Variants in CHRNA7 observed in about 807,000 individuals in gnomAD.
CHRNA7 encodes the protein cholinergic receptor nicotinic alpha 7 subunit.
In CHRNA7, 17 loss-of-function variants were observed where a neutral mutation model predicts 48.0. That is an observed-to-expected ratio of 0.35 (90% CI 0.24 to 0.53). The LOEUF is 0.53. Among genes scored for constraint, CHRNA7 ranks in the 20% least tolerant of loss-of-function variants. CHRNA7 has a pLI of 0.92. For missense variants in CHRNA7, 155 were observed against 577.7 expected, an observed-to-expected ratio of 0.27 and a Z score of 7.50; for synonymous variants, 75 against 242.3, an observed-to-expected ratio of 0.31 and a Z score of 6.41.
At chr15:32,111,669 G>A (rs962637830) in intron 3 of CHRNA7, 121 bp from the exon 4 acceptor site, 3 of 603,664 alleles carry the variant, frequency 5.0e-6, no homozygotes, top group Admixed American at 5.8e-5. Flanking sequence ...TTTATAAATA[G>A]CAATTCAGTT....
chr15:32,082,631 C>T (rs2050234296), intron 2 of CHRNA7, among the ~76,000 whole-genome samples: 3 of 152,056 alleles, frequency 2.0e-5, no homozygotes, highest in South Asian at 4.2e-4. Context: ...TGTCTTCTTT[C>T]CACTGTATAT....
intron 2 of CHRNA7, among the ~76,000 whole-genome samples, chr15:32,077,870 C>T (rs536196024): frequency 6.6e-6 from 1 of 152,084 alleles, no homozygotes; most frequent in East Asian, 1.9e-4. Context: ...AACTAGCACT[C>T]ACTGCTCTTA....
chr15:32,030,851 C>A, intron 1 of CHRNA7, 47 bp from the exon 2 acceptor site: 1 of 1,594,376 alleles, frequency 6.3e-7, no homozygotes, highest in Non-Finnish European at 8.5e-7. Context: ...CGGGGGTACC[C>A]CCGCCGGCCT....
intron 2 of CHRNA7, among the ~76,000 whole-genome samples, chr15:32,070,716 T>C (rs146416392): frequency 0.078 from 10,116 of 129,656 alleles, 640 homozygotes; most frequent in East Asian, 0.14. Context: ...AGACGGAGTC[T>C]TGCTCTGTCG....
In CHRNA7 at chr15:32,149,072, T is replaced by TG. The variant is rs1040964008; in HGVS notation, c.351-4830dup. Among the ~76,000 whole-genome samples, 1 of 152,122 alleles carries TG rather than the reference T, an allele frequency of 6.6e-6. No individual in the cohort carries two copies. Among genetic ancestry groups the TG allele is most frequent in the Non-Finnish European group, 1.5e-5 (1 of 68,016 alleles). On this transcript the variant is annotated intron_variant, in intron 4 of 9. Transcript: ENST00000306901. This position sits in a 1 kb window ranked among gnomAD's most constrained non-coding sequence, Gnocchi z 4.6. ...AGAGTGGGCCCCAGTCATTGCTGGC[T>TG]GGGGGAGGACAAAGGCAGCCAGATA...
rs1422038805 is a variant in CHRNA7, at chr15:32,082,340, T to TA, written c.196-18963_196-18962insA. On this transcript the variant is annotated intron_variant, in intron 2 of 9. Coordinates refer to ENST00000306901, the MANE Select transcript of CHRNA7 (RefSeq NM_000746.6). ...GGACTCCAATTATATGATTATTAGATTTTTTTTGTAGTCCCATAAGTCTGA... is the reference window on the plus strand; with the variant it reads ...GGACTCCAATTATATGATTATTAGATATTTTTTTGTAGTCCCATAAGTCTGA... Among the ~76,000 whole-genome samples, 3 of 7,024 alleles carry TA rather than the reference T, an allele frequency of 4.3e-4. No homozygotes were observed. In the Non-Finnish European group the frequency reaches 6.1e-3, roughly 14 times the overall value. The allele number at this position is 7,024 out of a possible 152,430, so 4.6% of individuals were successfully genotyped here.
At chr15:32,088,502 C>T (rs1046491253) in intron 2 of CHRNA7, among the ~76,000 whole-genome samples, 6 of 152,084 alleles carry the variant, frequency 3.9e-5, no homozygotes, top group East Asian at 1.9e-4. Flanking sequence ...TGTAAGAAAC[C>T]GCCAAATCGT....
chr15:32,126,514 ACAGT>A (rs1330045593), intron 4 of CHRNA7, among the ~76,000 whole-genome samples: 1 of 152,232 alleles, frequency 6.6e-6, no homozygotes, highest in Non-Finnish European at 1.5e-5. Context: ...TAGCCACGAC[ACAGT>A]CAAATTGGTT....
At chr15:32,163,616 AT>A (rs1172307548) in intron 9 of CHRNA7, 87 of 104,130 alleles carry the variant, frequency 8.4e-4, no homozygotes, top group South Asian at 2.1e-3. Context: ...CACCTGGCCA[AT>A]TTTTTTTTGT....
intron 3 of CHRNA7, chr15:32,102,076 G>A (rs981669491): frequency 2.0e-5 from 3 of 151,786 alleles, no homozygotes; most frequent in East Asian, 1.9e-4. Flanking sequence ...GTTTCTATAC[G>A]GAATTTTATC....
intron 2 of CHRNA7, among the ~76,000 whole-genome samples, chr15:32,032,705 T>C (rs1348938551): frequency 6.6e-6 from 1 of 152,154 alleles, no homozygotes; most frequent in African/African-American, 2.4e-5. Context: ...CTGTCTCTCT[T>C]GGAGTGGGTG....
chr15:32,047,754 T>C (rs1410321694), intron 2 of CHRNA7, among the ~76,000 whole-genome samples: 1 of 152,234 alleles, frequency 6.6e-6, no homozygotes, highest in East Asian at 1.9e-4. Flanking sequence ...GTGCCAGTTT[T>C]CAAAGGGAAT....
At chr15:32,134,497 A>G (rs932360166) in intron 4 of CHRNA7, among the ~76,000 whole-genome samples, 3 of 152,200 alleles carry the variant, frequency 2.0e-5, no homozygotes, top group African/African-American at 7.2e-5. Flanking sequence ...TTTAGCCTTC[A>G]TTAATTTTTT....
At chr15:32,086,853 A>T (rs28799045) in intron 2 of CHRNA7, among the ~76,000 whole-genome samples, 6,024 of 152,260 alleles carry the variant, frequency 0.04, 145 homozygotes, top group Middle Eastern at 0.088. Flanking sequence ...GCAGAGTATT[A>T]TATGTTATCA....
At chr15:32,105,223 G>A (rs2050643516) in intron 3 of CHRNA7, among the ~76,000 whole-genome samples, 1 of 152,174 alleles carries the variant, frequency 6.6e-6, no homozygotes, top group Non-Finnish European at 1.5e-5. Context: ...CCTACTCTGT[G>A]GAAGGTATTA....
Position 32,112,369 on chromosome 15 carries a change from C to T in CHRNA7, c.350+470C>T, listed in dbSNP as rs371432872. 2.0e-5 allele frequency: 9 copies of T among 457,036 alleles called. No individual in the cohort carries two copies. In the East Asian group the frequency reaches 4.9e-4, roughly 25 times the overall value. The allele number at this position is 457,036 out of a possible 1,614,324, so 28.3% of individuals were successfully genotyped here. A position where few individuals can be genotyped will look rare whatever the true frequency, so the allele number is the denominator to read the frequency against. On this transcript the variant is annotated intron_variant, in intron 4 of 9. Transcript: ENST00000306901. ...TGTGGCAGAGATGGCTGCAGGTGAG[C>T]GTGAGGACTGTCATCTCTAGCTGCA...
intron 4 of CHRNA7, among the ~76,000 whole-genome samples, chr15:32,141,007 C>T (rs1248549382): frequency 7.9e-5 from 12 of 152,086 alleles, no homozygotes; most frequent in Non-Finnish European, 1.5e-5. Context: ...ATGCCTATGT[C>T]CTGAATGGTA....
At chr15:32,038,955 C>T (rs143123402) in intron 2 of CHRNA7, among the ~76,000 whole-genome samples, 1 of 152,252 alleles carries the variant, frequency 6.6e-6, no homozygotes, top group East Asian at 1.9e-4. Context: ...GATATAGGCC[C>T]ATTCAAATTG....
rs922927901 is a variant in CHRNA7 at position 32,149,723 on chromosome 15, GAAATCACTGAGTCAC to G, written c.351-4167_351-4153del. ...ATTCTGTTTGGATGAAAAACATTCA[GAAATCACTGAGTCAC>G]AAATCACTGAGTCACAGGTAAGCTG... On this transcript the variant is annotated intron_variant, in intron 4 of 9. Coordinates refer to ENST00000306901, the MANE Select transcript of CHRNA7 (RefSeq NM_000746.6). This position sits in a 1 kb window ranked among gnomAD's most constrained non-coding sequence, Gnocchi z 4.6. Among the ~76,000 whole-genome samples, 65 of 152,108 alleles carry G rather than the reference GAAATCACTGAGTCAC, an allele frequency of 4.3e-4. No homozygotes were observed. Among genetic ancestry groups the G allele is most frequent in the African/African-American group, 1.5e-3 (62 of 41,416 alleles).
Sources: allele counts gnomAD v4.1 joint callset (sites outside exome capture counted in the v4.1 genomes callset), GRCh38; gene constraint gnomAD v4.1.1; non-coding constraint Gnocchi (gnomAD v3.1); transcripts MANE v1.5; gene names NCBI Gene and HGNC (gene_info 2026-07-23, HGNC 2026-07-21).